Variants in NUP210L observed in about 807,000 individuals in gnomAD.
The protein encoded by NUP210L is nuclear pore membrane glycoprotein 210-like.
In NUP210L, 74 loss-of-function variants were observed where a neutral mutation model predicts 208.5. That is an observed-to-expected ratio of 0.35 (90% CI 0.29 to 0.43). The LOEUF is 0.43. Ranked by LOEUF, NUP210L falls within the 20% of genes least tolerant of loss-of-function variation. The pLI, the probability that NUP210L is intolerant of heterozygous loss-of-function variation, is 1.00. For missense variants in NUP210L, 1,843 were observed against 2,289.4 expected, an observed-to-expected ratio of 0.81 and a Z score of 3.98; for synonymous variants, 780 against 816.9, an observed-to-expected ratio of 0.95 and a Z score of 0.77.
chr1:154,058,972 T>G (rs552986517), intron 20 of NUP210L, among the ~76,000 whole-genome samples: 176 of 152,294 alleles, frequency 1.2e-3, no homozygotes, highest in Non-Finnish European at 1.3e-3. Context: ...GAGGATCACT[T>G]GAGCCCAGGA....
chr1:154,086,558 C>A (rs1261552484), intron 16 of NUP210L, among the ~76,000 whole-genome samples: 1 of 152,020 alleles, frequency 6.6e-6, no homozygotes, highest in African/African-American at 2.4e-5. Flanking sequence ...TGCCTGTAAT[C>A]CCAGCACTTT....
At chr1:154,007,286 G>A (rs1418165300) in intron 35 of NUP210L, among the ~76,000 whole-genome samples, 1 of 150,780 alleles carries the variant, frequency 6.6e-6, no homozygotes, top group Non-Finnish European at 1.5e-5. Context: ...TTTTGAGACA[G>A]ATTTTCGCTC....
intron 12 of NUP210L, among the ~76,000 whole-genome samples, chr1:154,106,822 G>A (rs553589867): frequency 6.3e-4 from 96 of 152,328 alleles, no homozygotes; most frequent in African/African-American, 2.3e-3. Flanking sequence ...GCCGCCCAAC[G>A]CAGATATGTA....
chr1:154,047,018 A>G (rs1024342217), intron 25 of NUP210L, among the ~76,000 whole-genome samples: 1 of 152,050 alleles, frequency 6.6e-6, no homozygotes, highest in African/African-American at 2.4e-5. Flanking sequence ...AGATCATGCC[A>G]TCGCACTCCA....
chr1:154,133,739 G>A (rs1389692276), intron 7 of NUP210L, among the ~76,000 whole-genome samples: 3 of 152,010 alleles, frequency 2.0e-5, no homozygotes, highest in Admixed American at 6.6e-5. Flanking sequence ...TACTTGGGAG[G>A]CTGAGCTGGG....
rs941939390 is a variant in NUP210L, at chr1:154,076,397, C to T, written c.2362-5932G>A. 5.3e-5 allele frequency among the ~76,000 whole-genome samples: 8 copies of T among 152,006 alleles called. No homozygotes were observed. In the South Asian group the frequency reaches 6.2e-4, roughly 12 times the overall value. On this transcript the variant is annotated intron_variant, in intron 16 of 39. Transcript: ENST00000368559. ...GATTACAAACATGAGCCACTGTGCC[C>T]GGCCAGACTTCTAATTAACTTTAAT...
chr1:154,019,879 T>C (rs958376256), intron 32 of NUP210L, among the ~76,000 whole-genome samples: 2 of 151,252 alleles, frequency 1.3e-5, no homozygotes, highest in Admixed American at 1.3e-4. Context: ...TGAGCCGAGA[T>C]CACACCATTG....
chr1:153,996,054 A>G (rs772823280), intron 37 of NUP210L: 6 of 337,006 alleles, frequency 1.8e-5, no homozygotes, highest in Admixed American at 1.5e-4. Flanking sequence ...GCATTTTGGG[A>G]GGCCAAGGCG....
chr1:154,000,982 C>G, exon 37 of NUP210L: 2 of 1,614,174 alleles, frequency 1.2e-6, no homozygotes, highest in Non-Finnish European at 1.7e-6. Flanking sequence ...ACCACTCTTA[C>G]AGAGTAAATG....
chr1:154,084,812 T>TG (rs1382516415), intron 16 of NUP210L, among the ~76,000 whole-genome samples: 2 of 148,294 alleles, frequency 1.3e-5, no homozygotes, highest in African/African-American at 2.5e-5. Context: ...AGGCTGGGGT[T>TG]GGGGGGAGGA....
At chr1:154,027,113 A>C (rs971089941) in intron 29 of NUP210L, among the ~76,000 whole-genome samples, 5 of 151,564 alleles carry the variant, frequency 3.3e-5, no homozygotes, top group Middle Eastern at 3.4e-3. Flanking sequence ...AAAAAAAACA[A>C]AAAACACAAA....
chr1:154,008,524 T>C (rs1251379813), intron 35 of NUP210L, among the ~76,000 whole-genome samples: 3 of 152,070 alleles, frequency 2.0e-5, no homozygotes, highest in African/African-American at 4.8e-5. Context: ...CTGACCAACA[T>C]TGTGAAACCC....
At chr1:154,143,044 C>T (rs1231954861) in intron 3 of NUP210L, among the ~76,000 whole-genome samples, 2 of 151,784 alleles carry the variant, frequency 1.3e-5, no homozygotes, top group Non-Finnish European at 2.9e-5. Context: ...CAAAATTAGC[C>T]GGGAGTGGTG....
At chr1:154,085,256 G>A (rs966134198) in intron 16 of NUP210L, among the ~76,000 whole-genome samples, 4 of 150,296 alleles carry the variant, frequency 2.7e-5, no homozygotes, top group East Asian at 2.0e-4. Context: ...AGGCTGAGGC[G>A]GGAGAATGGT....
At chr1:154,006,148 G>A (rs1056064698) in intron 35 of NUP210L, among the ~76,000 whole-genome samples, 8 of 151,620 alleles carry the variant, frequency 5.3e-5, no homozygotes, top group Admixed American at 2.0e-4. Context: ...GTGAGCCACC[G>A]CACCTGGCCA....
At position 154,144,676 on chromosome 1, in the gene NUP210L, A is replaced by G. The variant is rs922293807; in HGVS notation, c.341-1099T>C. Among the ~76,000 whole-genome samples, 4 of 152,374 alleles carry G rather than the reference A, an allele frequency of 2.6e-5. No individual in the cohort carries two copies. In the East Asian group the frequency reaches 5.8e-4, roughly 22 times the overall value. On this transcript the variant is annotated intron_variant, in intron 2 of 39. Coordinates refer to ENST00000368559, the Ensembl canonical transcript of NUP210L. ...TATAGCTGTTCCATTCTACTATTGT[A>G]ACATTTAGTTTTAGCTTCATCCAAA...
chr1:154,033,778 T>A (rs1034522637), intron 27 of NUP210L, among the ~76,000 whole-genome samples: 2 of 152,190 alleles, frequency 1.3e-5, no homozygotes, highest in Admixed American at 6.6e-5. Context: ...TTTCTATTTC[T>A]GTGAAGAATG....
intron 27 of NUP210L, among the ~76,000 whole-genome samples, chr1:154,031,919 C>T (rs767830520): frequency 6.6e-6 from 1 of 151,688 alleles, no homozygotes; most frequent in Non-Finnish European, 1.5e-5. Context: ...TTGTAGAGAC[C>T]GAGTCTCACT....
chr1:154,140,350 C>CA (rs375907073), intron 4 of NUP210L, among the ~76,000 whole-genome samples: 11,359 of 71,320 alleles, frequency 0.16, 782 homozygotes, highest in East Asian at 0.44. Flanking sequence ...GACTCCGTCT[C>CA]AAAAAAAAAA....
Sources: allele counts gnomAD v4.1 joint callset (sites outside exome capture counted in the v4.1 genomes callset), GRCh38; gene constraint gnomAD v4.1.1; transcripts MANE v1.5; gene names NCBI Gene and HGNC (gene_info 2026-07-23, HGNC 2026-07-21).